SH3RF3: variants seen among roughly 807,000 people sequenced by gnomAD.
SH3RF3 encodes the protein SH3 domain containing ring finger 3, also known as E3 ubiquitin-protein ligase SH3RF3.
In SH3RF3, 29 loss-of-function variants were observed where a neutral mutation model predicts 66.3. That is an observed-to-expected ratio of 0.44 (90% confidence interval 0.33 to 0.60). SH3RF3 has a LOEUF of 0.60. SH3RF3 is among the 20% of genes least tolerant of loss of function. The pLI is 0.04. For synonymous variants in SH3RF3, 583 were observed against 532.0 expected (o/e 1.10, Z -1.32); for missense variants, 1,194 against 1,190.9 (o/e 1.00, Z -0.04).
chr2:109,406,251 G>T, intron 4 of SH3RF3, among the ~76,000 whole-genome samples: 1 of 152,100 alleles, frequency 6.6e-6, no homozygotes. Context: ...GGCCATTCAG[G>T]CCAACTCCAC....
chr2:109,371,726 C>G, intron 3 of SH3RF3, 45 bp downstream of exon 3: 1 of 1,546,214 alleles, frequency 6.5e-7, no homozygotes, highest in Non-Finnish European at 8.9e-7. Flanking sequence ...TCTTGCCCAC[C>G]CTTGTTTCAC....
In SH3RF3 at chr2:109,459,286, G is replaced by A. The variant is rs371696011; in HGVS notation, c.2148+9797G>A. Among the ~76,000 whole-genome samples, 4 of 152,234 alleles carry A rather than the reference G, an allele frequency of 2.6e-5. No individual in the cohort carries two copies. The East Asian group carries it at 5.8e-4, about 22-fold the overall frequency. On this transcript the variant is annotated intron_variant, in intron 8 of 9. Coordinates refer to ENST00000309415, the MANE Select transcript of SH3RF3 (RefSeq NM_001099289.3). ...AAAATAGGAGGAAATACTTACAACAGTTACAATCCTCATTTCTGTAGCTGT... is the reference window on the plus strand; with the variant it reads ...AAAATAGGAGGAAATACTTACAACAATTACAATCCTCATTTCTGTAGCTGT...
At chr2:109,374,559 C>T (rs1429770805) in intron 3 of SH3RF3, among the ~76,000 whole-genome samples, 1 of 152,244 alleles carries the variant, frequency 6.6e-6, no homozygotes, top group East Asian at 1.9e-4. Flanking sequence ...TCAGACCCAC[C>T]TGCCAGGAGG....
intron 8 of SH3RF3, among the ~76,000 whole-genome samples, chr2:109,486,292 G>C (rs560348299): frequency 2.2e-4 from 33 of 152,206 alleles, no homozygotes; most frequent in African/African-American, 7.9e-4. Flanking sequence ...TTTGGGGGTG[G>C]GGCCCACATT....
intron 1 of SH3RF3, among the ~76,000 whole-genome samples, chr2:109,156,630 G>C (rs914579303): frequency 6.6e-6 from 1 of 152,156 alleles, no homozygotes; most frequent in African/African-American, 2.4e-5. Context: ...ATTTTTAGTA[G>C]AGATGGGGTT....
intron 9 of SH3RF3, among the ~76,000 whole-genome samples, chr2:109,499,135 G>A (rs934379000): frequency 1.3e-5 from 2 of 152,102 alleles, no homozygotes; most frequent in Admixed American, 6.5e-5. Flanking sequence ...GTGGGCAGCC[G>A]CCAGGACCAG....
intron 1 of SH3RF3, among the ~76,000 whole-genome samples, chr2:109,224,641 T>C (rs1341176198): frequency 6.6e-6 from 1 of 152,186 alleles, no homozygotes; most frequent in East Asian, 1.9e-4. Context: ...GCAGATCACT[T>C]GAGGTCAGGA....
chr2:109,244,104 A>T (rs1236859712), intron 1 of SH3RF3, among the ~76,000 whole-genome samples: 2 of 152,180 alleles, frequency 1.3e-5, no homozygotes, highest in Non-Finnish European at 2.9e-5. Context: ...GATAGAAAGA[A>T]TAGTTTTCCT....
intron 4 of SH3RF3, among the ~76,000 whole-genome samples, chr2:109,406,778 G>A (rs565196634): frequency 1.3e-5 from 2 of 152,048 alleles, no homozygotes; most frequent in Admixed American, 1.3e-4. Flanking sequence ...CAGGACCATA[G>A]CAGGGGCAGA....
At chr2:109,187,720 C>T (rs1185928762) in intron 1 of SH3RF3, among the ~76,000 whole-genome samples, 3 of 152,156 alleles carry the variant, frequency 2.0e-5, no homozygotes, top group Non-Finnish European at 4.4e-5. Context: ...ATATATTCTC[C>T]TTGTTAAGTG....
At chr2:109,304,187 A>C (rs952426359) in intron 1 of SH3RF3, among the ~76,000 whole-genome samples, 2 of 152,164 alleles carry the variant, frequency 1.3e-5, no homozygotes, top group Non-Finnish European at 2.9e-5. Context: ...GCTGTACAGT[A>C]GATCTCCAGA....
At chr2:109,184,069 G>T (rs1213926395) in intron 1 of SH3RF3, among the ~76,000 whole-genome samples, 2 of 152,362 alleles carry the variant, frequency 1.3e-5, no homozygotes, top group East Asian at 3.9e-4. Flanking sequence ...CGATCTCTCT[G>T]TGAACGTGGG....
chr2:109,271,500 T>C (rs1312151114), intron 1 of SH3RF3, among the ~76,000 whole-genome samples: 2 of 152,260 alleles, frequency 1.3e-5, no homozygotes, highest in African/African-American at 2.4e-5. Flanking sequence ...GAGACTTTGC[T>C]GTCAGCCAAC....
chr2:109,418,747 C>T (rs1302067892), intron 4 of SH3RF3, among the ~76,000 whole-genome samples: 1 of 152,202 alleles, frequency 6.6e-6, no homozygotes, highest in Non-Finnish European at 1.5e-5. Flanking sequence ...ACAGGTCAGA[C>T]CCTTCTGCCA....
intron 1 of SH3RF3, among the ~76,000 whole-genome samples, chr2:109,133,976 C>T (rs1336819085): frequency 1.3e-5 from 2 of 152,086 alleles, no homozygotes; most frequent in African/African-American, 4.8e-5. Context: ...AGCTGGTCAG[C>T]TAGTGGAGGC....
At position 109,501,918 on chromosome 2, in the gene SH3RF3, A is replaced by G. The variant is rs1679399503; in HGVS notation, c.*247A>G. 1 of 467,790 alleles carries G rather than the reference A, an allele frequency of 2.1e-6. No individual in the cohort carries two copies. Among genetic ancestry groups the G allele is most frequent in the Non-Finnish European group, 3.9e-6 (1 of 259,622 alleles). 29.0% of individuals were successfully genotyped at this position (467,790 alleles called of 1,614,324 possible). A position where few individuals can be genotyped will look rare whatever the true frequency, so the allele number is the denominator to read the frequency against. Reference sequence around the variant, plus strand: ...GCCCACCCCCTCTGTGGAAACTGCAAAGAAAGCACCTTGAGGAAGAGAGGC... The same window carrying G: ...GCCCACCCCCTCTGTGGAAACTGCAGAGAAAGCACCTTGAGGAAGAGAGGC... On this transcript the variant is annotated 3_prime_UTR_variant, in exon 10 of 10. Transcript: ENST00000309415.
intron 1 of SH3RF3, among the ~76,000 whole-genome samples, chr2:109,283,383 T>A (rs1680942092): frequency 6.6e-6 from 1 of 152,066 alleles, no homozygotes; most frequent in Non-Finnish European, 1.5e-5. Flanking sequence ...CTCACTGCGT[T>A]GAAATTGAGT....
chr2:109,448,798 G>A lies in SH3RF3; in HGVS notation c.1829-372G>A, dbSNP rs553736064. On this transcript the variant is annotated intron_variant, in intron 7 of 9. Transcript: ENST00000309415. The stretch of plus-strand genomic sequence containing the variant: ...CCCTGCCTCAGTCTGTGGAAAAATT[G>A]TCTTCCACAAAACGGGTCCTTGGTG... Among the ~76,000 whole-genome samples, 119 of 152,324 alleles carry A rather than the reference G, an allele frequency of 7.8e-4. 1 individual carries two copies. Among genetic ancestry groups the A allele is most frequent in the African/African-American group, 2.4e-3 (100 of 41,576 alleles).
chr2:109,252,011 G>A (rs546748836), intron 1 of SH3RF3, among the ~76,000 whole-genome samples: 1 of 152,236 alleles, frequency 6.6e-6, no homozygotes, highest in African/African-American at 2.4e-5. Flanking sequence ...GGGAGGCCAA[G>A]GTAGGAGGAT....
Sources: gnomAD v4.1 joint callset for allele counts (sites outside exome capture counted in the v4.1 genomes callset) on GRCh38, gnomAD v4.1.1 for gene constraint, MANE v1.5 for transcripts, NCBI Gene and HGNC (gene_info 2026-07-23, HGNC 2026-07-21) for gene names.